Variants in GINS2 observed in about 807,000 individuals in gnomAD.
GINS2 encodes DNA replication complex GINS protein PSF2.
GINS2 carries 23 observed loss-of-function variants against 21.2 expected under a neutral mutation model. The observed-to-expected ratio is 1.08, with a 90% CI of 0.78 to 1.53. The LOEUF (loss-of-function observed/expected upper bound fraction) is 1.53. Ranked by LOEUF, GINS2 falls within the 40% of genes most tolerant of loss-of-function variation. The pLI, the probability that GINS2 is intolerant of heterozygous loss-of-function variation, is 0.00. For synonymous variants in GINS2, 118 were observed against 85.6 expected, an observed-to-expected ratio of 1.38 and a Z score of -2.09; for missense variants, 323 against 233.9, an observed-to-expected ratio of 1.38 and a Z score of -2.49.
rs1974868 is a variant in GINS2, at chr16:85,677,377, C to T, written c.*835G>A. On this transcript the variant is annotated 3_prime_UTR_variant, in exon 5 of 5. Transcript: ENST00000253462. ...TTACCTACAACAAAGAATCCTTCCC[C>T]AAATCCATCAAGAGCAGCACTGAAA... 0.26 allele frequency: 39,647 copies of T among 152,156 alleles called. 5,283 individuals carry two copies. Among genetic ancestry groups the T allele is most frequent in the Middle Eastern group, 0.35 (102 of 294 alleles). The allele number at this position is 152,156 out of a possible 1,614,324, so 9.4% of individuals were successfully genotyped here. A position where few individuals can be genotyped will look rare whatever the true frequency, so the allele number is the denominator to read the frequency against.
At chr16:85,683,200 C>G (rs1265433608) in intron 2 of GINS2, among the ~76,000 whole-genome samples, 1 of 152,074 alleles carries the variant, frequency 6.6e-6, no homozygotes, top group Non-Finnish European at 1.5e-5. Flanking sequence ...CGTGAACACC[C>G]CTCTGAGCTT....
At chr16:85,679,170 C>G (rs2053711459) in intron 3 of GINS2, among the ~76,000 whole-genome samples, 1 of 152,192 alleles carries the variant, frequency 6.6e-6, no homozygotes, top group Admixed American at 6.5e-5. Flanking sequence ...CCTGGCATTT[C>G]TATCCTCACA....
intron 1 of GINS2, 123 bp downstream of exon 1, chr16:85,688,686 C>T: frequency 2.2e-6 from 1 of 461,030 alleles, no homozygotes. Flanking sequence ...AGTCAAGCGC[C>T]GAGTGGTGGC....
Position 85,678,293 on chromosome 16 carries a change from G to C in GINS2, c.477C>G (p.Phe159Leu), listed in dbSNP as rs1025422419. 2 of 1,613,244 alleles carry C rather than the reference G, an allele frequency of 1.2e-6. No individual in the cohort carries two copies. The highest frequency in any genetic ancestry group is 1.3e-5 in the African/African-American group (1 of 75,026). Residue 159 changes from phenylalanine (F) to leucine (L), a missense_variant, in exon 5 of 5, where the codon TTC (phenylalanine) becomes TTG (leucine). Physicochemically the swap from Phe to Leu is conservative, Grantham distance 22. Transcript: ENST00000253462. ...ACATGTGGTTGAGCGCTTGTGTGAG[G>C]AAAGTCCCGCTGGTGTTGATCTCCA... ...TLMEINTSGT[F>L]LTQALNHMYK...
chr16:85,687,405 G>A lies in GINS2; in HGVS notation c.205+55C>T, dbSNP rs144009961. On this transcript the variant is annotated intron_variant, in intron 2 of 4. Coordinates refer to ENST00000253462, the MANE Select transcript of GINS2 (RefSeq NM_016095.3). ...ATGCCTCCACCCCGTGGGAGAGGGC[G>A]TCACCCCAAGCCCAGCCCCACCCAC... 444 of 1,041,842 alleles carry A rather than the reference G, an allele frequency of 4.3e-4. 4 individuals carry two copies. The East Asian group carries it at 0.012, about 28-fold the overall frequency. The allele number at this position is 1,041,842 out of a possible 1,614,324, so 64.5% of individuals were successfully genotyped here. A position where few individuals can be genotyped will look rare whatever the true frequency, so the allele number is the denominator to read the frequency against.
chr16:85,678,773 G>A (rs1490295761), intron 3 of GINS2, 107 bp from the exon 4 acceptor site: 1 of 1,090,416 alleles, frequency 9.2e-7, no homozygotes, highest in Non-Finnish European at 1.3e-6. Context: ...TCCAGACTCA[G>A]AAAGTCTGTT....
intron 3 of GINS2, among the ~76,000 whole-genome samples, chr16:85,680,924 C>A (rs2053727014): frequency 6.6e-6 from 1 of 152,178 alleles, no homozygotes; most frequent in African/African-American, 2.4e-5. Context: ...CTCAGGTAGA[C>A]GAGAGGGAAG....
At chr16:85,683,014 A>T (rs1214147065) in intron 2 of GINS2, among the ~76,000 whole-genome samples, 5 of 149,932 alleles carry the variant, frequency 3.3e-5, no homozygotes, top group Admixed American at 1.3e-4. Context: ...CATCCCCCAA[A>T]CTCCCTGTGT....
Position 85,677,922 on chromosome 16 carries a change from G to T in GINS2, c.*290C>A. 7.1e-6 allele frequency: 2 copies of T among 282,690 alleles called. No individual in the cohort carries two copies. Among genetic ancestry groups the T allele is most frequent in the Non-Finnish European group, 1.3e-5 (2 of 149,056 alleles). 17.5% of individuals were successfully genotyped at this position (282,690 alleles called of 1,614,324 possible). A position where few individuals can be genotyped will look rare whatever the true frequency, so the allele number is the denominator to read the frequency against. Reference sequence around the variant, plus strand: ...GGCTTCCATGCAGGAGACCCAAGTGGCTCTGCTAGGGAGAATGACTTATTT... The same window carrying T: ...GGCTTCCATGCAGGAGACCCAAGTGTCTCTGCTAGGGAGAATGACTTATTT... On this transcript the variant is annotated 3_prime_UTR_variant, in exon 5 of 5. Transcript: ENST00000253462.
rs2053701901 is a variant in GINS2 at position 85,678,283 on chromosome 16, C to T, written c.487G>A (p.Ala163Thr). The T allele has an allele frequency of 5.0e-6, 8 of 1,612,962 alleles. 1 individual carries two copies. The South Asian group carries it at 7.7e-5, about 15-fold the overall frequency. Residue 163 changes from alanine to threonine, a missense_variant, in exon 5 of 5, where the codon GCG becomes ACG. By Grantham distance (58) the Ala-to-Thr change is moderately conservative. Coordinates refer to ENST00000253462, the MANE Select transcript of GINS2 (RefSeq NM_016095.3). ...INTSGTFLTQ[A>T]LNHMYKLRTN... Reference sequence around the variant, plus strand: ...CGGAGTTTGTACATGTGGTTGAGCGCTTGTGTGAGGAAAGTCCCGCTGGTG... The same window carrying T: ...CGGAGTTTGTACATGTGGTTGAGCGTTTGTGTGAGGAAAGTCCCGCTGGTG...
At chr16:85,680,925 G>T (rs948024118) in intron 3 of GINS2, among the ~76,000 whole-genome samples, 2 of 152,242 alleles carry the variant, frequency 1.3e-5, no homozygotes, top group African/African-American at 2.4e-5. Context: ...TCAGGTAGAC[G>T]AGAGGGAAGA....
chr16:85,681,709 C>T, intron 2 of GINS2, 28 bp from the exon 3 acceptor site: 1 of 1,342,772 alleles, frequency 7.4e-7, no homozygotes, highest in East Asian at 2.3e-5. Flanking sequence ...ATACATTTTA[C>T]CATCATTATA....
chr16:85,677,833 G>T lies in GINS2; in HGVS notation c.*379C>A. Reference sequence around the variant, plus strand: ...GATCAAGAAGGGGTAAAAAGCCGTGGACCACATGGCCACTCCTGCTGTATC... The same window carrying T: ...GATCAAGAAGGGGTAAAAAGCCGTGTACCACATGGCCACTCCTGCTGTATC... On this transcript the variant is annotated 3_prime_UTR_variant, in exon 5 of 5. Transcript: ENST00000253462. 1 of 171,730 alleles carries T rather than the reference G, an allele frequency of 5.8e-6. No individual in the cohort carries two copies. 10.6% of individuals were successfully genotyped at this position (171,730 alleles called of 1,614,324 possible). A position where few individuals can be genotyped will look rare whatever the true frequency, so the allele number is the denominator to read the frequency against.
intron 3 of GINS2, among the ~76,000 whole-genome samples, chr16:85,679,039 C>A (rs189830554): frequency 1.9e-3 from 287 of 152,304 alleles, no homozygotes; most frequent in Non-Finnish European, 2.9e-3. Flanking sequence ...AGGTCGAGTT[C>A]TATTGCTCCT....
At chr16:85,685,103 C>T (rs536150138) in intron 2 of GINS2, among the ~76,000 whole-genome samples, 1 of 152,312 alleles carries the variant, frequency 6.6e-6, no homozygotes, top group Non-Finnish European at 1.5e-5. Context: ...ACAGGCAGAA[C>T]TTATCTGTGG....
intron 2 of GINS2, among the ~76,000 whole-genome samples, chr16:85,687,103 C>T (rs113406720): frequency 0.015 from 2,261 of 152,336 alleles, 25 homozygotes; most frequent in Non-Finnish European, 0.022. Flanking sequence ...CGCCAGTGGT[C>T]CCAGCTACTT....
chr16:85,685,804 G>C (rs1158978267), intron 2 of GINS2, among the ~76,000 whole-genome samples: 1 of 151,538 alleles, frequency 6.6e-6, no homozygotes, highest in African/African-American at 2.4e-5. Context: ...TGTCTTAAAC[G>C]GACCCCAGAG....
chr16:85,680,026 CT>C (rs2053718407), intron 3 of GINS2, among the ~76,000 whole-genome samples: 2 of 152,220 alleles, frequency 1.3e-5, no homozygotes, highest in Admixed American at 1.3e-4. Flanking sequence ...CAAGTCTGCA[CT>C]CCCAGCAAAC....
rs940766715 is a variant in GINS2 at position 85,677,094 on chromosome 16, A to G, written c.*1118T>C. ...CACCATGTTAGCCAGGATAGTCTCAATCTCCTGGCCTTGTGATCCACCTGC... is the reference window on the plus strand; with the variant it reads ...CACCATGTTAGCCAGGATAGTCTCAGTCTCCTGGCCTTGTGATCCACCTGC... On this transcript the variant is annotated 3_prime_UTR_variant, in exon 5 of 5. Coordinates refer to ENST00000253462, the MANE Select transcript of GINS2 (RefSeq NM_016095.3). 10 of 151,952 alleles carry G rather than the reference A, an allele frequency of 6.6e-5. No homozygotes were observed. Among genetic ancestry groups the G allele is most frequent in the African/African-American group, 1.9e-4 (8 of 41,354 alleles). The allele number at this position is 151,952 out of a possible 1,614,324, so 9.4% of individuals were successfully genotyped here.
Sources: gnomAD v4.1 joint callset for allele counts (sites outside exome capture counted in the v4.1 genomes callset) on GRCh38, gnomAD v4.1.1 for gene constraint, MANE v1.5 for transcripts, NCBI Gene and HGNC (gene_info 2026-07-23, HGNC 2026-07-21) for gene names.